The following ZKSCAN2 variants were observed in gnomAD, a reference collection of about 807,000 sequenced individuals.
ZKSCAN2 encodes the protein zinc finger with KRAB and SCAN domains 2.
A neutral mutation model predicts 90.5 loss-of-function variants in ZKSCAN2; 38 were observed. The ratio of observed to expected loss-of-function variants is 0.42; its 90% CI spans 0.32 to 0.55. The LOEUF (loss-of-function observed/expected upper bound fraction) is 0.55. ZKSCAN2 is among the 20% of genes least tolerant of loss of function. The pLI, the probability that ZKSCAN2 is intolerant of heterozygous loss-of-function variation, is 0.11. For synonymous variants in ZKSCAN2, 429 were observed against 421.6 expected, an observed-to-expected ratio of 1.02 and a Z score of -0.22; for missense variants, 1,167 against 1,202.6, an observed-to-expected ratio of 0.97 and a Z score of 0.44.
In ZKSCAN2 at chr16:25,244,188, C is replaced by T; in HGVS notation, c.1578G>A (p.Arg526=). The T allele has an allele frequency of 6.2e-7, 1 of 1,614,144 alleles. No individual in the cohort carries two copies. The highest frequency in any genetic ancestry group is 1.1e-5 in the South Asian group (1 of 91,088). ...RFYEALQACH[R]KSKLYGAVAE... is the part of the protein sequence containing the mutation. ...CTACAGCCCCATACAATTTGCTCTT[C>T]CGATGACAGGCTTGAAGCGCTTCAT... is the stretch of plus-strand genomic sequence containing the variant. Residue 526 remains arginine (R), a synonymous_variant, in exon 6 of 7, where the codon CGG becomes CGA. Transcript: ENST00000328086.
Position 25,246,825 on chromosome 16 carries a change from G to A in ZKSCAN2, c.1371C>T (p.His457=). ...LKRIAISAKE[H]ISLVEEEEAA... Reference sequence around the variant, plus strand: ...CTTCCTCCTCCTCCACCAAGCTGATGTGTTCCTTAGCACTGATGGCAATTC... The same window carrying A: ...CTTCCTCCTCCTCCACCAAGCTGATATGTTCCTTAGCACTGATGGCAATTC... Residue 457 remains histidine (H), a synonymous_variant, in exon 5 of 7, where the codon CAC becomes CAT. Coordinates refer to ENST00000328086, the MANE Select transcript of ZKSCAN2 (RefSeq NM_001012981.5). 1 of 1,614,202 alleles carries A rather than the reference G, an allele frequency of 6.2e-7. No homozygotes were observed. The highest frequency in any genetic ancestry group is 8.5e-7 in the Non-Finnish European group (1 of 1,180,042).
intron 2 of ZKSCAN2, among the ~76,000 whole-genome samples, chr16:25,253,313 C>T (rs1236515395): frequency 6.6e-6 from 1 of 151,154 alleles, no homozygotes; most frequent in Non-Finnish European, 1.5e-5. Flanking sequence ...AAGGGCACTG[C>T]CAATGCCAAT....
chr16:25,241,501 T>C (rs924132431), intron 6 of ZKSCAN2, among the ~76,000 whole-genome samples: 3 of 152,234 alleles, frequency 2.0e-5, no homozygotes, highest in African/African-American at 7.2e-5. Context: ...ACAGTATGTA[T>C]AATGAACTCC....
At position 25,237,836 on chromosome 16, in the gene ZKSCAN2, T is replaced by A. The variant is rs774628372; in HGVS notation, c.*1980A>T. 7 of 152,244 alleles carry A rather than the reference T, an allele frequency of 4.6e-5. No homozygotes were observed. The highest frequency in any genetic ancestry group is 7.3e-5 in the Non-Finnish European group (5 of 68,046). The allele number at this position is 152,244 out of a possible 1,614,324, so 9.4% of individuals were successfully genotyped here. A position where few individuals can be genotyped will look rare whatever the true frequency, so the allele number is the denominator to read the frequency against. On this transcript the variant is annotated 3_prime_UTR_variant, in exon 7 of 7. Transcript: ENST00000328086. ...AAGTGGTGATTTCTATTAATTTACA[T>A]CTTCTCTAGAGCTGGAATTCCAGAA...
chr16:25,236,136 A>C lies in ZKSCAN2; in HGVS notation c.*3680T>G, dbSNP rs1378423452. The C allele has an allele frequency of 6.6e-6, 1 of 152,246 alleles. No homozygotes were observed. Among genetic ancestry groups the C allele is most frequent in the Non-Finnish European group, 1.5e-5 (1 of 68,048 alleles). The allele number at this position is 152,246 out of a possible 1,614,324, so 9.4% of individuals were successfully genotyped here. ...TTGCACCAGGTCTTGGAATGCATTC[A>C]GAGGCAGAGGCTTCCAGTTTCACAA... On this transcript the variant is annotated 3_prime_UTR_variant, in exon 7 of 7. Transcript: ENST00000328086.
At chr16:25,255,811 G>A (rs1490736912) in intron 1 of ZKSCAN2, among the ~76,000 whole-genome samples, 2 of 152,102 alleles carry the variant, frequency 1.3e-5, no homozygotes, top group East Asian at 1.9e-4. Flanking sequence ...TCGAATTCCT[G>A]ACCTCAGGTG....
Position 25,246,882 on chromosome 16 carries a change from T to G in ZKSCAN2, c.1314A>C (p.Pro438=). Reference sequence around the variant, plus strand: ...GTCTGGGGACAGGTATCATCTCCTTTGGTTTATCAGTGGACGGAGCACGGG... The same window carrying G: ...GTCTGGGGACAGGTATCATCTCCTTGGGTTTATCAGTGGACGGAGCACGGG... ...PAARAPSTDK[P]KEMIPVPRLK... The change falls in exon 5 of 7, where the codon CCA becomes CCC. Residue 438 remains proline, a synonymous_variant. Transcript: ENST00000328086. 1 of 1,614,166 alleles carries G rather than the reference T, an allele frequency of 6.2e-7. No individual in the cohort carries two copies. Among genetic ancestry groups the G allele is most frequent in the Non-Finnish European group, 8.5e-7 (1 of 1,180,036 alleles).
In ZKSCAN2 at chr16:25,237,529, C is replaced by T. The variant is rs1962788101; in HGVS notation, c.*2287G>A. The T allele has an allele frequency of 1.3e-5, 2 of 152,180 alleles. No homozygotes were observed. The allele number at this position is 152,180 out of a possible 1,614,324, so 9.4% of individuals were successfully genotyped here. A position where few individuals can be genotyped will look rare whatever the true frequency, so the allele number is the denominator to read the frequency against. On this transcript the variant is annotated 3_prime_UTR_variant, in exon 7 of 7. Transcript: ENST00000328086. Reference sequence around the variant, plus strand: ...AGGTACAGAATATGATTCTGGGCAACTTAGCGCAACTCTTCTGCAGGGGAA... The same window carrying T: ...AGGTACAGAATATGATTCTGGGCAATTTAGCGCAACTCTTCTGCAGGGGAA...
chr16:25,243,660 G>T, intron 6 of ZKSCAN2, 125 bp downstream of exon 6: 1 of 1,204,258 alleles, frequency 8.3e-7, no homozygotes, highest in Non-Finnish European at 1.2e-6. Flanking sequence ...TCTTCAAGTA[G>T]CACAGGCACT....
chr16:25,244,319 A>G, intron 5 of ZKSCAN2, 43 bp from the exon 6 acceptor site: 1 of 1,584,016 alleles, frequency 6.3e-7, no homozygotes, highest in East Asian at 2.2e-5. Flanking sequence ...AAAGAAAAGG[A>G]GTCTCTAGCC....
In ZKSCAN2 at chr16:25,257,589, CG is replaced by C; in HGVS notation, c.-463del. The C allele has an allele frequency of 1.2e-6, 1 of 858,574 alleles. No individual in the cohort carries two copies. The highest frequency in any genetic ancestry group is 1.4e-6 in the Non-Finnish European group (1 of 714,140). The allele number at this position is 858,574 out of a possible 1,614,324, so 53.2% of individuals were successfully genotyped here. A position where few individuals can be genotyped will look rare whatever the true frequency, so the allele number is the denominator to read the frequency against. ...CCCGCCCGGCGCCAGGTTCCGGGCTCGGGTCACCGCAGCACGTCCAGGCCGC... is the reference window on the plus strand; with the variant it reads ...CCCGCCCGGCGCCAGGTTCCGGGCTCGGTCACCGCAGCACGTCCAGGCCGC... On this transcript the variant is annotated 5_prime_UTR_variant, in exon 1 of 7. Coordinates refer to ENST00000328086, the MANE Select transcript of ZKSCAN2 (RefSeq NM_001012981.5).
In ZKSCAN2 at chr16:25,257,316, T is replaced by C. The variant is rs1214366898; in HGVS notation, c.-189A>G. ...CCAGGCCCTTGAAAAGGTGAACGTA[T>C]ACTCTAAGATGCAAAAGCCTGGCCT... On this transcript the variant is annotated 5_prime_UTR_variant, in exon 1 of 7. Coordinates refer to ENST00000328086, the MANE Select transcript of ZKSCAN2 (RefSeq NM_001012981.5). 6 of 1,375,436 alleles carry C rather than the reference T, an allele frequency of 4.4e-6. No individual in the cohort carries two copies. The highest frequency in any genetic ancestry group is 2.9e-5 in the African/African-American group (2 of 68,560). 85.2% of individuals were successfully genotyped at this position (1,375,436 alleles called of 1,614,324 possible).
chr16:25,247,250 C>G lies in ZKSCAN2; in HGVS notation c.946G>C (p.Val316Leu). ...VKEKSVHAIQ[V>L]PARSAGKTWR... is the part of the protein sequence containing the mutation. The stretch of plus-strand genomic sequence containing the variant: ...GTTTTTCCTGCACTCCTTGCAGGGA[C>G]CTGAATAGCATGAACTGACTTTTCC... The change falls in exon 5 of 7, where the codon GTC becomes CTC. Residue 316 changes from valine to leucine, a missense_variant. Val to Leu is a conservative substitution (Grantham distance 32, BLOSUM62 1). Transcript: ENST00000328086. 1 of 1,614,190 alleles carries G rather than the reference C, an allele frequency of 6.2e-7. No homozygotes were observed. Among genetic ancestry groups the G allele is most frequent in the Non-Finnish European group, 8.5e-7 (1 of 1,180,032 alleles).
chr16:25,257,060 A>T lies in ZKSCAN2; in HGVS notation c.68T>A (p.Val23Glu). The T allele has an allele frequency of 6.2e-7, 1 of 1,613,884 alleles. No homozygotes were observed. Among genetic ancestry groups the T allele is most frequent in the Non-Finnish European group, 8.5e-7 (1 of 1,179,942 alleles). Residue 23 changes from valine (V) to glutamate (E), a missense_variant, in exon 1 of 7, where the codon GTG becomes GAG. By Grantham distance (121) the Val-to-Glu change is moderately radical. Coordinates refer to ENST00000328086, the MANE Select transcript of ZKSCAN2 (RefSeq NM_001012981.5). ...TGATGCCCACTCAGGGTCCTTTTCC[A>T]CCTTCATTATTAGGCATCCCTCAAC... ...LEVEGCLIMKVEKDPEWASEP... is the reference protein window; with the variant it reads ...LEVEGCLIMKEEKDPEWASEP...
At position 25,243,913 on chromosome 16, in the gene ZKSCAN2, C is replaced by T; in HGVS notation, c.1853G>A (p.Gly618Asp). The T allele has an allele frequency of 1.3e-5, 21 of 1,614,160 alleles. No individual in the cohort carries two copies. Among genetic ancestry groups the T allele is most frequent in the Non-Finnish European group, 1.8e-5 (21 of 1,180,030 alleles). Reference sequence around the variant, plus strand: ...CTGTGAGGTCTCTTCAGGTTCCCAGCCTGTAGGTTCCTGGGGTTCAACCTC... The same window carrying T: ...CTGTGAGGTCTCTTCAGGTTCCCAGTCTGTAGGTTCCTGGGGTTCAACCTC... ...GIEVEPQEPTGWEPEETSQEA... is the reference protein window; with the variant it reads ...GIEVEPQEPTDWEPEETSQEA... The change falls in exon 6 of 7, where the codon GGC becomes GAC. Residue 618 changes from glycine to aspartate, a missense_variant. Transcript: ENST00000328086.
Position 25,257,660 on chromosome 16 carries a change from C to G in ZKSCAN2, c.-533G>C, listed in dbSNP as rs928894763. The G allele has an allele frequency of 3.9e-6, 1 of 258,856 alleles. No homozygotes were observed. The highest frequency in any genetic ancestry group is 2.3e-5 in the African/African-American group (1 of 43,220). The allele number at this position is 258,856 out of a possible 1,614,324, so 16.0% of individuals were successfully genotyped here. A position where few individuals can be genotyped will look rare whatever the true frequency, so the allele number is the denominator to read the frequency against. ...GCCGGATTCCGAGAGCGGCGCCGGG[C>G]TCTTTCGGGCCCACGACGGCCCCGA... On this transcript the variant is annotated 5_prime_UTR_variant, in exon 1 of 7. Transcript: ENST00000328086.
intron 6 of ZKSCAN2, among the ~76,000 whole-genome samples, chr16:25,243,112 C>T (rs1962879238): frequency 6.6e-6 from 1 of 152,184 alleles, no homozygotes; most frequent in Non-Finnish European, 1.5e-5. Context: ...TCTTGCACAC[C>T]CCATATAACC....
In ZKSCAN2 at chr16:25,236,806, G is replaced by A. The variant is rs1186801295; in HGVS notation, c.*3010C>T. On this transcript the variant is annotated 3_prime_UTR_variant, in exon 7 of 7. Coordinates refer to ENST00000328086, the MANE Select transcript of ZKSCAN2 (RefSeq NM_001012981.5). Reference sequence around the variant, plus strand: ...TGGCAGTAACAAAGCAAGCCTAGGTGGGACATACGACCCCAGTTTCCAAAA... The same window carrying A: ...TGGCAGTAACAAAGCAAGCCTAGGTAGGACATACGACCCCAGTTTCCAAAA... 6.6e-6 allele frequency: 1 copy of A among 152,234 alleles called. No homozygotes were observed. Among genetic ancestry groups the A allele is most frequent in the African/African-American group, 2.4e-5 (1 of 41,440 alleles). 9.4% of individuals were successfully genotyped at this position (152,234 alleles called of 1,614,324 possible).
intron 4 of ZKSCAN2, among the ~76,000 whole-genome samples, chr16:25,250,215 A>G (rs185593322): frequency 1.3e-5 from 2 of 152,174 alleles, no homozygotes; most frequent in African/African-American, 4.8e-5. Flanking sequence ...AGGCTGAGGC[A>G]GGAGAATCGC....
Sources: gnomAD v4.1 joint callset for allele counts (sites outside exome capture counted in the v4.1 genomes callset) on GRCh38, gnomAD v4.1.1 for gene constraint, MANE v1.5 for transcripts, NCBI Gene and HGNC (gene_info 2026-07-23, HGNC 2026-07-21) for gene names.